Variants in OPHN1 observed in about 807,000 individuals in gnomAD.
The protein encoded by OPHN1 is oligophrenin-1.
In OPHN1, 11 loss-of-function variants were observed where a neutral mutation model predicts 60.7. That is an observed-to-expected ratio of 0.18 (90% confidence interval 0.11 to 0.30). The LOEUF (loss-of-function observed/expected upper bound fraction) is 0.30, where lower values mean the gene tolerates loss of function less well. OPHN1 is among the 10% of genes least tolerant of loss of function. The pLI is 1.00. For synonymous variants in OPHN1, 226 were observed against 222.6 expected (o/e 1.02, Z -0.14); for missense variants, 449 against 611.0 (o/e 0.73, Z 2.80).
At chrX:68,163,463 T>TGC (rs2077344734) in intron 15 of OPHN1, among the ~76,000 whole-genome samples, 1 of 74,402 alleles carries the variant, frequency 1.3e-5, no homozygotes, top group African/African-American at 6.9e-5. Context: ...TGTGTGTATA[T>TGC]ATACCACAAT....
chrX:68,049,636 C>A (rs1026874004), intron 23 of OPHN1, among the ~76,000 whole-genome samples: 2 of 111,947 alleles, frequency 1.8e-5, no homozygotes, highest in Non-Finnish European at 3.8e-5. Flanking sequence ...ACTTGGTCAG[C>A]TCAGAATGTG....
intron 21 of OPHN1, among the ~76,000 whole-genome samples, chrX:68,058,584 A>G (rs2076882107): frequency 9.0e-6 from 1 of 111,571 alleles, no homozygotes; most frequent in Non-Finnish European, 1.9e-5. Flanking sequence ...CTTTTATGCC[A>G]TCTACATTTT....
intron 15 of OPHN1, among the ~76,000 whole-genome samples, chrX:68,137,414 AG>A (rs2077225237): frequency 8.9e-6 from 1 of 112,117 alleles, no homozygotes; most frequent in South Asian, 3.7e-4. Flanking sequence ...CTCGAAATCA[AG>A]TATTTCTGGC....
chrX:68,186,693 C>A (rs1008407456), intron 15 of OPHN1, among the ~76,000 whole-genome samples: 1 of 111,597 alleles, frequency 9.0e-6, no homozygotes, highest in Admixed American at 9.5e-5. Context: ...TTATTTGTCA[C>A]AGCTCTAGAA....
At chrX:68,266,062 T>A (rs1197534103) in intron 5 of OPHN1, among the ~76,000 whole-genome samples, 1 of 111,742 alleles carries the variant, frequency 8.9e-6, no homozygotes, top group Non-Finnish European at 1.9e-5. Flanking sequence ...TTGGTGTACC[T>A]GAAAGTGACG....
rs756869601 is a variant in OPHN1, at chrX:68,433,015, A to G, written c.6T>C (p.Gly2=). 8.3e-7 allele frequency: 1 copy of G among 1,204,459 alleles called. No individual in the cohort carries two copies. Among genetic ancestry groups the G allele is most frequent in the Non-Finnish European group, 1.1e-6 (1 of 891,578 alleles). Residue 2 remains glycine, a synonymous_variant, in exon 2 of 25, where the codon GGT becomes GGC. Transcript: ENST00000355520. M[G]HPPLEFSDCY... ...AGTCGCTGAACTCCAGCGGGGGATGACCCATGGTTCTGATGGCCGGGAGTA... is the reference window on the plus strand; with the variant it reads ...AGTCGCTGAACTCCAGCGGGGGATGGCCCATGGTTCTGATGGCCGGGAGTA...
intron 12 of OPHN1, among the ~76,000 whole-genome samples, chrX:68,196,344 T>C (rs1463800411): frequency 8.9e-6 from 1 of 111,999 alleles, no homozygotes; most frequent in Non-Finnish European, 1.9e-5. Flanking sequence ...CAAGATGACT[T>C]CCATCTGTTT....
intron 5 of OPHN1, among the ~76,000 whole-genome samples, chrX:68,256,510 A>C (rs1569259685): frequency 9.0e-6 from 1 of 111,598 alleles, no homozygotes; most frequent in Non-Finnish European, 1.9e-5. Flanking sequence ...AAGTCCCTGG[A>C]ATCTTAATAT....
Position 68,064,034 on chromosome X carries a change from C to G in OPHN1, c.1978G>C (p.Gly660Arg), listed in dbSNP as rs1450703291. Residue 660 changes from glycine (G) to arginine (R), a missense_variant, in exon 21 of 25, where the codon GGC becomes CGC. Physicochemically the swap from Gly to Arg is moderately radical, Grantham distance 125. Transcript: ENST00000355520. The part of the protein sequence containing the change: ...RKSPSRPILD[G>R]KLEPCPEVDV... ...ACCTCTGGGCAGGGCTCCAACTTGC[C>G]ATCCAAAATAGGCCTGCTTGGGGAC... 3.3e-6 allele frequency: 4 copies of G among 1,210,525 alleles called. No homozygotes were observed. The Admixed American group carries it at 8.7e-5, about 26-fold the overall frequency.
chrX:68,331,849 C>T (rs185389362), intron 2 of OPHN1, among the ~76,000 whole-genome samples: 1 of 109,483 alleles, frequency 9.1e-6, no homozygotes, highest in African/African-American at 3.3e-5. Context: ...ATCTGGCCAA[C>T]ATGGTGAAAC....
intron 5 of OPHN1, 148 bp downstream of exon 5, chrX:68,274,590 C>A: frequency 3.5e-5 from 13 of 373,688 alleles, no homozygotes; most frequent in Non-Finnish European, 4.8e-5. Context: ...AAACAACAAA[C>A]ATTTATTTTG....
At chrX:68,403,414 A>C (rs2078725159) in intron 2 of OPHN1, among the ~76,000 whole-genome samples, 1 of 112,011 alleles carries the variant, frequency 8.9e-6, no homozygotes, top group African/African-American at 3.2e-5. Context: ...TTTCCTAGAG[A>C]GAAGGGTAGT....
intron 15 of OPHN1, among the ~76,000 whole-genome samples, chrX:68,137,167 A>G (rs965028564): frequency 1.8e-5 from 2 of 111,829 alleles, no homozygotes; most frequent in African/African-American, 6.5e-5. Flanking sequence ...GGAGCATTTT[A>G]TATGTCTGCT....
chrX:68,070,602 T>A, intron 20 of OPHN1: 2 of 675,624 alleles, frequency 3.0e-6, no homozygotes, highest in South Asian at 4.3e-5. Flanking sequence ...AGTGCTCACA[T>A]GTCTGATTTT....
At chrX:68,300,865 A>T (rs1465649692) in intron 2 of OPHN1, among the ~76,000 whole-genome samples, 1 of 112,701 alleles carries the variant, frequency 8.9e-6, no homozygotes, top group African/African-American at 3.2e-5. Flanking sequence ...TTCAGAAACC[A>T]CAAATACTAT....
chrX:68,070,753 C>T, intron 20 of OPHN1: 5 of 1,136,721 alleles, frequency 4.4e-6, no homozygotes, highest in Middle Eastern at 2.9e-4. Context: ...TCAAATACCC[C>T]CCACAGGACC....
At chrX:68,055,204 T>A (rs887364497) in intron 21 of OPHN1, among the ~76,000 whole-genome samples, 2 of 111,957 alleles carry the variant, frequency 1.8e-5, no homozygotes, top group African/African-American at 3.3e-5. Flanking sequence ...TCTGGAGTTT[T>A]GTAGACCTGG....
chrX:68,091,182 A>T (rs977883974), intron 19 of OPHN1, among the ~76,000 whole-genome samples: 8 of 111,420 alleles, frequency 7.2e-5, no homozygotes, highest in Non-Finnish European at 1.5e-4. Flanking sequence ...TATCTCAGAA[A>T]TGGAAATACG....
chrX:68,229,783 A>C (rs1249126436), intron 6 of OPHN1, among the ~76,000 whole-genome samples: 5 of 112,527 alleles, frequency 4.4e-5, no homozygotes, highest in Admixed American at 9.4e-5. Context: ...TAAAGACTTA[A>C]ATGTTAGACC....
Sources: allele counts gnomAD v4.1 joint callset (sites outside exome capture counted in the v4.1 genomes callset), GRCh38; gene constraint gnomAD v4.1.1; transcripts MANE v1.5; gene names NCBI Gene and HGNC (gene_info 2026-07-23, HGNC 2026-07-21).